TMEM108: variants seen among roughly 807,000 people sequenced by gnomAD.
TMEM108 encodes cancer/testis antigen 124.
In TMEM108, 12 loss-of-function variants were observed where a neutral mutation model predicts 35.1. The observed-to-expected ratio is 0.34, with a 90% CI of 0.22 to 0.55. The LOEUF (loss-of-function observed/expected upper bound fraction) is 0.55, where lower values mean the gene tolerates loss of function less well. TMEM108 is among the 20% of genes least tolerant of loss of function. The probability of loss-of-function intolerance (pLI) is 0.89; values close to 1 mark genes in which losing one functional copy is unlikely to be tolerated. For missense variants in TMEM108, 680 were observed against 753.3 expected, an observed-to-expected ratio of 0.90 and a Z score of 1.14; for synonymous variants, 287 against 308.6, an observed-to-expected ratio of 0.93 and a Z score of 0.73.
chr3:133,255,330 C>T (rs1187356727), intron 3 of TMEM108, among the ~76,000 whole-genome samples: 2 of 152,052 alleles, frequency 1.3e-5, no homozygotes, highest in Non-Finnish European at 2.9e-5. Flanking sequence ...ATAGACTACT[C>T]AACTTGAAAA....
chr3:133,181,036 A>AAAAAAAAAAAAAAAAG (rs1945335479), intron 2 of TMEM108, among the ~76,000 whole-genome samples: 1 of 130,902 alleles, frequency 7.6e-6, no homozygotes, highest in Non-Finnish European at 1.7e-5. Context: ...AAAAAAAAAA[A>AAAAAAAAAAAAAAAAG]AACAGCACTC....
intron 3 of TMEM108, among the ~76,000 whole-genome samples, chr3:133,252,890 G>T (rs1946491199): frequency 6.6e-6 from 1 of 152,132 alleles, no homozygotes; most frequent in African/African-American, 2.4e-5. Flanking sequence ...TGGATATGGA[G>T]GGCTGACTGT....
intron 2 of TMEM108, among the ~76,000 whole-genome samples, chr3:133,091,863 A>C (rs1189683783): frequency 6.6e-6 from 1 of 152,322 alleles, no homozygotes; most frequent in Non-Finnish European, 1.5e-5. Context: ...CTTATAAAAA[A>C]AAAACAAAAC....
chr3:133,217,864 A>G lies in TMEM108; in HGVS notation c.-46-11402A>G, dbSNP rs533557109. 3.9e-5 allele frequency among the ~76,000 whole-genome samples: 6 copies of G among 152,074 alleles called. No homozygotes were observed. The South Asian group carries it at 1.2e-3, about 32-fold the overall frequency. On this transcript the variant is annotated intron_variant, in intron 2 of 5. Transcript: ENST00000321871. ...TGAAGTCAGGTAGTGTGATGCCTCCATATTTGTTCTTTTTGCTCAAGATTA... is the reference window on the plus strand; with the variant it reads ...TGAAGTCAGGTAGTGTGATGCCTCCGTATTTGTTCTTTTTGCTCAAGATTA...
chr3:133,365,758 T>G (rs1201674), intron 3 of TMEM108, among the ~76,000 whole-genome samples: 1 of 152,070 alleles, frequency 6.6e-6, no homozygotes, highest in East Asian at 1.9e-4. Context: ...GGGTTTGAAC[T>G]ATATCCCCGG....
intron 3 of TMEM108, among the ~76,000 whole-genome samples, chr3:133,317,517 GAAACAGAACTT>G (rs1161256490): frequency 6.6e-6 from 1 of 152,158 alleles, no homozygotes; most frequent in Non-Finnish European, 1.5e-5. Context: ...TAACAGACTG[GAAACAGAACTT>G]AAATTATAGG....
At chr3:133,177,485 A>T (rs1372839749) in intron 2 of TMEM108, among the ~76,000 whole-genome samples, 1 of 152,248 alleles carries the variant, frequency 6.6e-6, no homozygotes, top group Admixed American at 6.5e-5. Flanking sequence ...AGTGGGCTTC[A>T]TCCCTGGGAT....
chr3:133,289,042 A>G (rs1355990639), intron 3 of TMEM108, among the ~76,000 whole-genome samples: 2 of 152,098 alleles, frequency 1.3e-5, no homozygotes, highest in Non-Finnish European at 2.9e-5. Flanking sequence ...GTCCCCATAT[A>G]GTAATAGTAA....
chr3:133,375,279 A>C (rs1313982366), intron 3 of TMEM108, among the ~76,000 whole-genome samples: 1 of 152,192 alleles, frequency 6.6e-6, no homozygotes, highest in Admixed American at 6.5e-5. Flanking sequence ...GAGCTCATGT[A>C]TGCATTGGAA....
chr3:133,127,729 A>G (rs1239880631), intron 2 of TMEM108, among the ~76,000 whole-genome samples: 2 of 151,974 alleles, frequency 1.3e-5, no homozygotes, highest in African/African-American at 4.8e-5. Flanking sequence ...TATCTTTCTC[A>G]TTGTTTCAAT....
intron 2 of TMEM108, among the ~76,000 whole-genome samples, chr3:133,159,222 G>A (rs1303682817): frequency 6.6e-6 from 1 of 152,170 alleles, no homozygotes; most frequent in Non-Finnish European, 1.5e-5. Context: ...ATAGTGATGA[G>A]TAGGAATTTA....
Position 133,045,018 on chromosome 3 carries a change from A to G in TMEM108, c.-165-884A>G, listed in dbSNP as rs1943318669. ...AGTCTCATTCTGTTGCCCAGGCTGG[A>G]GTGCAGTGGCGTGATCTCAGCTCAC... On this transcript the variant is annotated intron_variant, in intron 1 of 5. Transcript: ENST00000321871. 6.2e-5 allele frequency among the ~76,000 whole-genome samples: 9 copies of G among 145,526 alleles called. No homozygotes were observed. The South Asian group carries it at 1.6e-3, about 25-fold the overall frequency.
intron 3 of TMEM108, among the ~76,000 whole-genome samples, chr3:133,265,119 C>T (rs181684064): frequency 1.0e-3 from 152 of 152,364 alleles, no homozygotes; most frequent in Non-Finnish European, 1.6e-3. Flanking sequence ...ATTCTGAACA[C>T]TCACATTAAT....
chr3:133,149,191 G>GT (rs1944762413), intron 2 of TMEM108, among the ~76,000 whole-genome samples: 1 of 152,076 alleles, frequency 6.6e-6, no homozygotes, highest in Non-Finnish European at 1.5e-5. Context: ...AGATGAAACA[G>GT]TTCACCTTTC....
intron 2 of TMEM108, among the ~76,000 whole-genome samples, chr3:133,195,331 C>G (rs1945561178): frequency 6.6e-6 from 1 of 152,086 alleles, no homozygotes; most frequent in African/African-American, 2.4e-5. Flanking sequence ...AAGACAAGAT[C>G]CAAGATCTCA....
intron 2 of TMEM108, among the ~76,000 whole-genome samples, chr3:133,194,848 A>G (rs1208470102): frequency 3.3e-5 from 5 of 152,204 alleles, no homozygotes; most frequent in African/African-American, 9.6e-5. Context: ...AGATCTGTTC[A>G]GATATGGCAT....
intron 2 of TMEM108, chr3:133,074,216 C>A (rs1201222995): frequency 6.6e-6 from 1 of 151,796 alleles, no homozygotes; most frequent in South Asian, 2.1e-4. Flanking sequence ...TATTAGACTC[C>A]CTCTTGATTA....
chr3:133,291,059 G>T (rs1412705182), intron 3 of TMEM108, among the ~76,000 whole-genome samples: 1 of 152,154 alleles, frequency 6.6e-6, no homozygotes, highest in Non-Finnish European at 1.5e-5. Flanking sequence ...TTGTGAAGAT[G>T]GGAGCAAAGG....
At chr3:133,214,531 A>G (rs1425665845) in intron 2 of TMEM108, among the ~76,000 whole-genome samples, 2 of 152,084 alleles carry the variant, frequency 1.3e-5, no homozygotes, top group Non-Finnish European at 2.9e-5. Context: ...GGAGACGGAA[A>G]TCTCATGTTC....
Sources: allele counts gnomAD v4.1 joint callset (sites outside exome capture counted in the v4.1 genomes callset), GRCh38; gene constraint gnomAD v4.1.1; transcripts MANE v1.5; gene names NCBI Gene and HGNC (gene_info 2026-07-23, HGNC 2026-07-21).